GALNT18: variants seen among roughly 807,000 people sequenced by gnomAD.
GALNT18 encodes GalNAc-transferase 18.
In GALNT18, 44 loss-of-function variants were observed where a neutral mutation model predicts 69.5. The observed-to-expected ratio is 0.63, with a 90% CI of 0.50 to 0.81. GALNT18 has a LOEUF of 0.81. Among genes scored for constraint, GALNT18 ranks in the 40% least tolerant of loss-of-function variants. The pLI is 0.00. For synonymous variants in GALNT18, 364 were observed against 318.2 expected (o/e 1.14, Z -1.53); for missense variants, 715 against 810.0 (o/e 0.88, Z 1.42).
At chr11:11,556,354 C>T (rs998371832) in intron 1 of GALNT18, among the ~76,000 whole-genome samples, 1 of 152,184 alleles carries the variant, frequency 6.6e-6, no homozygotes, top group Admixed American at 6.5e-5. Context: ...GTGACAGTAG[C>T]GTGAAGTGCC....
chr11:11,304,887 A>C (rs1849554273), intron 9 of GALNT18, among the ~76,000 whole-genome samples: 1 of 152,216 alleles, frequency 6.6e-6, no homozygotes, highest in African/African-American at 2.4e-5. Context: ...GCCCTAGAAA[A>C]AGTTGAGATG....
chr11:11,438,043 C>T (rs1855450183), intron 2 of GALNT18, among the ~76,000 whole-genome samples: 1 of 152,202 alleles, frequency 6.6e-6, no homozygotes, highest in African/African-American at 2.4e-5. Context: ...TCACTAACCC[C>T]CTGGGACATA....
At chr11:11,293,300 G>A in intron 9 of GALNT18, 107 bp from the exon 10 acceptor site, 2 of 875,212 alleles carry the variant, frequency 2.3e-6, no homozygotes, top group Admixed American at 4.0e-5. Context: ...CACAGTTAGG[G>A]AAGACCCCGG....
rs78747646 is a variant in GALNT18, at chr11:11,376,380, T to TCAAAAACAAAAACAAAAACAAAAA, written c.977+801_977+802insTTTTTGTTTTTGTTTTTGTTTTTG. Reference sequence around the variant, plus strand: ...CTGGGTGACAGAGTGAGACTCCGTCTCAAAAACAAAAACAAACACAGACAG... The same window carrying TCAAAAACAAAAACAAAAACAAAAA: ...CTGGGTGACAGAGTGAGACTCCGTCTCAAAAACAAAAACAAAAACAAAAACAAAAACAAAAACAAACACAGACAG... On this transcript the variant is annotated intron_variant, in intron 5 of 10. Coordinates refer to ENST00000227756, the MANE Select transcript of GALNT18 (RefSeq NM_198516.3). Among the ~76,000 whole-genome samples, 72 of 151,184 alleles carry TCAAAAACAAAAACAAAAACAAAAA rather than the reference T, an allele frequency of 4.8e-4. 1 individual carries two copies. The highest frequency in any genetic ancestry group is 8.4e-4 in the South Asian group (4 of 4,758).
At chr11:11,534,551 A>G (rs746810289) in intron 1 of GALNT18, among the ~76,000 whole-genome samples, 2 of 152,252 alleles carry the variant, frequency 1.3e-5, no homozygotes, top group Non-Finnish European at 2.9e-5. Context: ...CAGATGAGAC[A>G]GCAATAGCTG....
chr11:11,531,970 C>A (rs1184204865), intron 1 of GALNT18, among the ~76,000 whole-genome samples: 4 of 152,226 alleles, frequency 2.6e-5, no homozygotes, highest in South Asian at 2.1e-4. Context: ...TACACACCTG[C>A]AGCTGTGTAT....
chr11:11,590,672 G>A lies in GALNT18; in HGVS notation c.235+30687C>T, dbSNP rs1311596073. 1.3e-5 allele frequency among the ~76,000 whole-genome samples: 2 copies of A among 152,152 alleles called. No homozygotes were observed. The highest frequency in any genetic ancestry group is 2.4e-5 in the African/African-American group (1 of 41,432). On this transcript the variant is annotated intron_variant, in intron 1 of 10. Coordinates refer to ENST00000227756, the MANE Select transcript of GALNT18 (RefSeq NM_198516.3). This position sits in a 1 kb window ranked among gnomAD's most constrained non-coding sequence, Gnocchi z 4.4. The stretch of plus-strand genomic sequence containing the variant: ...CTTGAATCTTGTACAGTCACCCACC[G>A]CATGACGTTCGCTCAATGACAGAAC...
intron 1 of GALNT18, among the ~76,000 whole-genome samples, chr11:11,510,242 C>T (rs544580602): frequency 7.7e-4 from 118 of 152,294 alleles, no homozygotes; most frequent in African/African-American, 2.5e-3. Flanking sequence ...ATAGGAAAAC[C>T]ACCTTTAATG....
rs562710184 is a variant in GALNT18, at chr11:11,290,183, G to T, written c.1677+2846C>A. Reference sequence around the variant, plus strand: ...CACACCACCAAAGCTGAGTCCCTAGGATTGGCCTTAGAGCCTGTGCTAAGA... The same window carrying T: ...CACACCACCAAAGCTGAGTCCCTAGTATTGGCCTTAGAGCCTGTGCTAAGA... On this transcript the variant is annotated intron_variant, in intron 10 of 10. Transcript: ENST00000227756. Among the ~76,000 whole-genome samples the T allele has an allele frequency of 7.9e-5, 12 of 152,320 alleles. 1 individual carries two copies. Among genetic ancestry groups the T allele is most frequent in the African/African-American group, 2.9e-4 (12 of 41,572 alleles).
rs888451703 is a variant in GALNT18, at chr11:11,470,730, C to T, written c.236-21794G>A. Among the ~76,000 whole-genome samples, 1 of 152,144 alleles carries T rather than the reference C, an allele frequency of 6.6e-6. No homozygotes were observed. The highest frequency in any genetic ancestry group is 2.4e-5 in the African/African-American group (1 of 41,442). On this transcript the variant is annotated intron_variant, in intron 1 of 10. Coordinates refer to ENST00000227756, the MANE Select transcript of GALNT18 (RefSeq NM_198516.3). This position sits in a 1 kb window ranked among gnomAD's most constrained non-coding sequence, Gnocchi z 4.8. ...CTTCCTTCCAGAGAGCTTCTTCCTGCCCCTGTGAGCCCTGTGCTGGGCAGC... is the reference window on the plus strand; with the variant it reads ...CTTCCTTCCAGAGAGCTTCTTCCTGTCCCTGTGAGCCCTGTGCTGGGCAGC...
rs751976870 is a variant in GALNT18, at chr11:11,340,962, G to A, written c.1135C>T (p.Arg379Trp). The A allele has an allele frequency of 7.4e-6, 12 of 1,613,018 alleles. 1 individual carries two copies. The highest frequency in any genetic ancestry group is 1.3e-5 in the African/African-American group (1 of 74,880). Reference sequence around the variant, plus strand: ...TGGGCTCGCTCAATGTGGGCAATCCGTGAGCAGGGCAGGACCTCCACACTC... The same window carrying A: ...TGGGCTCGCTCAATGTGGGCAATCCATGAGCAGGGCAGGACCTCCACACTC... The part of the protein sequence containing the change: ...GGSVEVLPCS[R>W]IAHIERAHKP... The change falls in exon 7 of 11, where the codon CGG (arginine) becomes TGG (tryptophan). Residue 379 changes from arginine to tryptophan, a missense_variant. Physicochemically the swap from Arg to Trp is moderately radical, Grantham distance 101 (BLOSUM62 -3). Coordinates refer to ENST00000227756, the MANE Select transcript of GALNT18 (RefSeq NM_198516.3). The surrounding 1 kb of genome is among the most constrained non-coding windows in gnomAD (Gnocchi z 4.2).
At chr11:11,507,402 T>C (rs1490228516) in intron 1 of GALNT18, among the ~76,000 whole-genome samples, 1 of 152,084 alleles carries the variant, frequency 6.6e-6, no homozygotes, top group Non-Finnish European at 1.5e-5. Context: ...CAAGCCCCAG[T>C]GCATTTTCCT....
chr11:11,534,817 G>A (rs1321535416), intron 1 of GALNT18, among the ~76,000 whole-genome samples: 2 of 152,238 alleles, frequency 1.3e-5, no homozygotes, highest in Non-Finnish European at 2.9e-5. Flanking sequence ...CCTGTCCTGC[G>A]AGGTATGCTG....
At chr11:11,588,022 A>G (rs528163457) in intron 1 of GALNT18, among the ~76,000 whole-genome samples, 3 of 151,792 alleles carry the variant, frequency 2.0e-5, no homozygotes, top group African/African-American at 7.3e-5. Flanking sequence ...GAGGCTCCTA[A>G]CCCTTTCCCC....
At chr11:11,574,133 A>G (rs1003263853) in intron 1 of GALNT18, among the ~76,000 whole-genome samples, 2 of 152,174 alleles carry the variant, frequency 1.3e-5, no homozygotes, top group African/African-American at 4.8e-5. Context: ...GAGGAAGGGT[A>G]CATACTGCCT....
intron 10 of GALNT18, among the ~76,000 whole-genome samples, chr11:11,289,673 T>C (rs560269441): frequency 3.0e-4 from 46 of 152,178 alleles, no homozygotes; most frequent in African/African-American, 1.1e-3. Flanking sequence ...GCACAGGAGA[T>C]GAGACTGAGT....
chr11:11,270,945 TA>T lies in GALNT18; in HGVS notation c.*198del, dbSNP rs1848812484. The T allele has an allele frequency of 2.1e-6, 1 of 469,610 alleles. No individual in the cohort carries two copies. The highest frequency in any genetic ancestry group is 3.0e-5 in the East Asian group (1 of 33,506). 29.1% of individuals were successfully genotyped at this position (469,610 alleles called of 1,614,324 possible). On this transcript the variant is annotated 3_prime_UTR_variant, in exon 11 of 11. Coordinates refer to ENST00000227756, the MANE Select transcript of GALNT18 (RefSeq NM_198516.3). ...CTGTCCCCTATTTACAACTGCAAAATAGTTTGATATCATACCATCACCTACC... is the reference window on the plus strand; with the variant it reads ...CTGTCCCCTATTTACAACTGCAAAATGTTTGATATCATACCATCACCTACC...
intron 6 of GALNT18, among the ~76,000 whole-genome samples, chr11:11,358,876 A>G (rs78110487): frequency 1.0e-5 from 1 of 100,300 alleles, no homozygotes; most frequent in East Asian, 2.3e-4. Context: ...CAGACATGTT[A>G]TCCCAAGCTC....
chr11:11,516,654 GA>G (rs1220866524), intron 1 of GALNT18, among the ~76,000 whole-genome samples: 4 of 152,106 alleles, frequency 2.6e-5, no homozygotes, highest in Non-Finnish European at 2.9e-5. Flanking sequence ...AACAGAAAAA[GA>G]AAAGTCCTGT....
Sources: gnomAD v4.1 joint callset for allele counts (sites outside exome capture counted in the v4.1 genomes callset) on GRCh38, gnomAD v4.1.1 for gene constraint, Gnocchi (gnomAD v3.1) non-coding constraint, MANE v1.5 for transcripts, NCBI Gene and HGNC (gene_info 2026-07-23, HGNC 2026-07-21) for gene names.